The following MCF2L variants were observed in gnomAD, a reference collection of about 807,000 sequenced individuals.
MCF2L encodes guanine nucleotide exchange factor DBS.
In MCF2L, 97 loss-of-function variants were observed where a neutral mutation model predicts 153.4. The observed-to-expected ratio is 0.63, with a 90% CI of 0.54 to 0.75. The LOEUF (loss-of-function observed/expected upper bound fraction) is 0.75, where lower values mean the gene tolerates loss of function less well. MCF2L is among the 30% of genes least tolerant of loss of function. The probability of loss-of-function intolerance (pLI) is 0.00; values close to 1 mark genes in which losing one functional copy is unlikely to be tolerated. For missense variants in MCF2L, 1,347 were observed against 1,495.2 expected, an observed-to-expected ratio of 0.90 and a Z score of 1.64; for synonymous variants, 659 against 632.2, an observed-to-expected ratio of 1.04 and a Z score of -0.64.
chr13:113,091,073 T>C, intron 26 of MCF2L: 1 of 1,297,944 alleles, frequency 7.7e-7, no homozygotes, highest in Non-Finnish European at 1.0e-6. Context: ...CCCTCCGTCC[T>C]TCACACTCTC....
chr13:113,006,397 G>T (rs532795745), intron 1 of MCF2L, among the ~76,000 whole-genome samples: 15 of 152,222 alleles, frequency 9.9e-5, no homozygotes, highest in Non-Finnish European at 1.8e-4. Context: ...ACTGGAGCCA[G>T]GTGTGAGTAG....
Position 113,081,287 on chromosome 13 carries a change from T to G in MCF2L, c.1875+8T>G. On this transcript the variant is annotated splice_region_variant and intron_variant, in intron 16 of 29. Transcript: ENST00000535094. The stretch of plus-strand genomic sequence containing the variant: ...CTGCTGTGCGTCCTGGAGGTGAGGC[T>G]GGACTCGGGGAGGGCCGACTGCCAC... 1 of 1,580,556 alleles carries G rather than the reference T, an allele frequency of 6.3e-7. No homozygotes were observed. The highest frequency in any genetic ancestry group is 8.6e-7 in the Non-Finnish European group (1 of 1,164,534).
intron 2 of MCF2L, among the ~76,000 whole-genome samples, chr13:112,911,399 T>C (rs2081230520): frequency 6.6e-6 from 1 of 152,164 alleles, no homozygotes; most frequent in South Asian, 2.1e-4. Context: ...GACACTCTCC[T>C]GCCTGGGAGA....
In MCF2L at chr13:113,045,408, C is replaced by G; in HGVS notation, c.369+47C>G. 6.8e-7 allele frequency: 1 copy of G among 1,468,476 alleles called. No homozygotes were observed. Among genetic ancestry groups the G allele is most frequent in the Non-Finnish European group, 9.5e-7 (1 of 1,049,026 alleles). 91.0% of individuals were successfully genotyped at this position (1,468,476 alleles called of 1,614,324 possible). On this transcript the variant is annotated intron_variant, in intron 4 of 29. Coordinates refer to ENST00000535094, the MANE Select transcript of MCF2L (RefSeq NM_001112732.3). This position sits in a 1 kb window ranked among gnomAD's most constrained non-coding sequence, Gnocchi z 4.2. ...GCCCTGCGCCCGGCCCCTCCCTGGG[C>G]TGCATGACCGCATGGTGCCCTTCCT...
upstream of MCF2L, among the ~76,000 whole-genome samples, chr13:112,964,218 C>A (rs992210189): frequency 6.6e-6 from 1 of 152,262 alleles, no homozygotes; most frequent in Non-Finnish European, 1.5e-5. Flanking sequence ...ACCCCAGGTT[C>A]TACAGTTGCC....
chr13:113,029,792 C>T (rs1008582310), intron 3 of MCF2L, among the ~76,000 whole-genome samples: 2 of 152,168 alleles, frequency 1.3e-5, no homozygotes, highest in African/African-American at 4.8e-5. Context: ...AGGCGGTTCC[C>T]CAGCACGCAG....
chr13:113,008,370 G>A (rs2083853082), intron 1 of MCF2L, among the ~76,000 whole-genome samples: 1 of 152,228 alleles, frequency 6.6e-6, no homozygotes, highest in Non-Finnish European at 1.5e-5. Flanking sequence ...TCAGCCCCTG[G>A]ACTCCAGCAG....
intron 2 of MCF2L, among the ~76,000 whole-genome samples, chr13:112,947,632 T>C (rs1419895040): frequency 6.6e-6 from 1 of 152,212 alleles, no homozygotes; most frequent in Non-Finnish European, 1.5e-5. Context: ...CAGAATCATC[T>C]TCGACTCCAT....
intron 1 of MCF2L, among the ~76,000 whole-genome samples, chr13:112,976,555 T>C (rs554184305): frequency 6.6e-6 from 1 of 152,310 alleles, no homozygotes; most frequent in East Asian, 1.9e-4. Flanking sequence ...GCGGCAAGGC[T>C]GTGGCGGACG....
At chr13:112,949,658 GTCTT>G (rs745509927) in intron 2 of MCF2L, among the ~76,000 whole-genome samples, 13 of 151,120 alleles carry the variant, frequency 8.6e-5, no homozygotes, top group Non-Finnish European at 1.8e-4. Flanking sequence ...TGCAGAAAAA[GTCTT>G]TGACAAAATT....
intron 2 of MCF2L, among the ~76,000 whole-genome samples, chr13:113,021,564 C>T (rs2084886107): frequency 6.6e-6 from 1 of 152,158 alleles, no homozygotes; most frequent in Non-Finnish European, 1.5e-5. Flanking sequence ...AGCTTCGGAG[C>T]CCTCTGTCCT....
At chr13:113,001,839 C>T (rs931652901) in intron 1 of MCF2L, 20 of 1,515,656 alleles carry the variant, frequency 1.3e-5, no homozygotes, top group South Asian at 2.5e-5. Flanking sequence ...GCTGGTGCTG[C>T]GCCATCCTTT....
intron 2 of MCF2L, among the ~76,000 whole-genome samples, chr13:112,921,256 G>C (rs1308000450): frequency 6.6e-6 from 1 of 152,088 alleles, no homozygotes; most frequent in Non-Finnish European, 1.5e-5. Context: ...AAAATAGAAG[G>C]ACGAATAGGG....
At chr13:112,990,176 A>G (rs1225289721) in intron 1 of MCF2L, among the ~76,000 whole-genome samples, 1 of 152,058 alleles carries the variant, frequency 6.6e-6, no homozygotes, top group Non-Finnish European at 1.5e-5. Flanking sequence ...AACCATTCAG[A>G]TCTGTGGGAA....
chr13:112,956,247 G>T, intron 2 of MCF2L: 1 of 153,050 alleles, frequency 6.5e-6, no homozygotes, highest in Non-Finnish European at 1.5e-5. Context: ...CAATGCAGCA[G>T]CTTCTTTTTG....
rs1470574431 is a variant in MCF2L, at chr13:113,027,682, C to T, written c.278+2924C>T. On this transcript the variant is annotated intron_variant, in intron 3 of 29. Transcript: ENST00000535094. The surrounding 1 kb of genome is among the most constrained non-coding windows in gnomAD (Gnocchi z 4.8). ...GGACCGGCTTGGTGGGGCAAGGCTGCGATGCTGCAGACGGTTTCCACACAT... is the reference window on the plus strand; with the variant it reads ...GGACCGGCTTGGTGGGGCAAGGCTGTGATGCTGCAGACGGTTTCCACACAT... Among the ~76,000 whole-genome samples, 2 of 152,166 alleles carry T rather than the reference C, an allele frequency of 1.3e-5. No homozygotes were observed. Among genetic ancestry groups the T allele is most frequent in the African/African-American group, 2.4e-5 (1 of 41,430 alleles).
intron 2 of MCF2L, among the ~76,000 whole-genome samples, chr13:112,914,985 T>C (rs1178996052): frequency 1.3e-5 from 2 of 152,146 alleles, no homozygotes; most frequent in African/African-American, 4.8e-5. Flanking sequence ...ATACAGGAAT[T>C]CACCCATTTT....
Position 112,987,364 on chromosome 13 carries a change from C to T in MCF2L, c.79+17906C>T, listed in dbSNP as rs1436524134. 2.0e-5 allele frequency among the ~76,000 whole-genome samples: 3 copies of T among 151,354 alleles called. No individual in the cohort carries two copies. The East Asian group carries it at 5.8e-4, about 29-fold the overall frequency. ...TGTCTGCCCCCTGATCCACCCAGCA[C>T]AAGGTCAGCACCAGCACCCATTGGT... On this transcript the variant is annotated intron_variant, in intron 1 of 29. Coordinates refer to ENST00000535094, the MANE Select transcript of MCF2L (RefSeq NM_001112732.3).
At chr13:112,946,964 GT>G (rs1442611045) in intron 2 of MCF2L, among the ~76,000 whole-genome samples, 1 of 152,162 alleles carries the variant, frequency 6.6e-6, no homozygotes, top group African/African-American at 2.4e-5. Context: ...AGTTCCCAGG[GT>G]TTCTTTTGGT....
Sources: allele counts gnomAD v4.1 joint callset (sites outside exome capture counted in the v4.1 genomes callset), GRCh38; gene constraint gnomAD v4.1.1; non-coding constraint Gnocchi (gnomAD v3.1); transcripts MANE v1.5; gene names NCBI Gene and HGNC (gene_info 2026-07-23, HGNC 2026-07-21).